Variants in DYNC1H1 observed in about 807,000 individuals in gnomAD.
DYNC1H1 encodes the protein dynein cytoplasmic 1 heavy chain 1.
Under a neutral mutation model 527.1 loss-of-function variants are expected in DYNC1H1, and 51 were observed. The observed-to-expected ratio is 0.10, with a 90% CI of 0.08 to 0.12. The LOEUF is 0.12. Among genes scored for constraint, DYNC1H1 ranks in the 10% least tolerant of loss-of-function variants. The pLI is 1.00. For synonymous variants in DYNC1H1, 2,189 were observed against 2,278.8 expected, an observed-to-expected ratio of 0.96 and a Z score of 1.12; for missense variants, 2,771 against 5,971.8, an observed-to-expected ratio of 0.46 and a Z score of 17.66.
At chr14:102,014,837 A>T (rs2152581292) in intron 34 of DYNC1H1, among the ~76,000 whole-genome samples, 1 of 152,092 alleles carries the variant, frequency 6.6e-6, no homozygotes, top group South Asian at 2.1e-4. Flanking sequence ...AATTTTTTTG[A>T]GACAGGTTTT....
intron 43 of DYNC1H1, among the ~76,000 whole-genome samples, 166 bp from the exon 44 acceptor site, chr14:102,026,408 T>C (rs969124636): frequency 2.0e-5 from 3 of 152,238 alleles, no homozygotes; most frequent in African/African-American, 7.2e-5. Flanking sequence ...TTTCATGTTT[T>C]TAGATCCATT....
At chr14:101,978,122 T>A (rs2047822765) in intron 2 of DYNC1H1, among the ~76,000 whole-genome samples, 1 of 152,242 alleles carries the variant, frequency 6.6e-6, no homozygotes, top group Non-Finnish European at 1.5e-5. Flanking sequence ...TGGTGCGATC[T>A]CGGCTCACTG....
rs1306609313 is a variant in DYNC1H1, at chr14:102,040,390, G to A, written c.11845G>A (p.Ala3949Thr). 3.1e-6 allele frequency: 5 copies of A among 1,614,100 alleles called. No homozygotes were observed. The highest frequency in any genetic ancestry group is 1.3e-5 in the African/African-American group (1 of 74,934). ...SCLPAFKDLI[A>T]KVQADEQFGI... is the part of the protein sequence containing the mutation. ...CCTTCCCGCGTTTAAGGACTTGATTGCAAAGGTTCAGGCAGACGAGGTGAT... is the reference window on the plus strand; with the variant it reads ...CCTTCCCGCGTTTAAGGACTTGATTACAAAGGTTCAGGCAGACGAGGTGAT... Residue 3949 changes from alanine (A) to threonine (T), a missense_variant, in exon 63 of 78, where the codon GCA becomes ACA. Physicochemically the swap from Ala to Thr is moderately conservative, Grantham distance 58. Coordinates refer to ENST00000360184, the MANE Select transcript of DYNC1H1 (RefSeq NM_001376.5).
chr14:101,977,747 A>C (rs1048814561), intron 2 of DYNC1H1, among the ~76,000 whole-genome samples: 1 of 152,198 alleles, frequency 6.6e-6, no homozygotes, highest in African/African-American at 2.4e-5. Context: ...GCACACCAAT[A>C]GCTTCATGGA....
chr14:102,043,098 A>G (rs2048672223), intron 69 of DYNC1H1: 1 of 355,084 alleles, frequency 2.8e-6, no homozygotes, highest in Non-Finnish European at 5.5e-6. Flanking sequence ...CATGGCCAAC[A>G]TGGTGAAACT....
chr14:102,032,675 C>A (rs1458312238), intron 52 of DYNC1H1: 12 of 654,118 alleles, frequency 1.8e-5, no homozygotes, highest in Non-Finnish European at 2.9e-5. Flanking sequence ...TACATGGCGA[C>A]ACCCTGTCTC....
chr14:102,049,389 T>G lies in DYNC1H1; in HGVS notation c.13373-51T>G. On this transcript the variant is annotated intron_variant, in intron 74 of 77. Transcript: ENST00000360184. This position sits in a 1 kb window ranked among gnomAD's most constrained non-coding sequence, Gnocchi z 5.5. ...ACTTGCACATTTGTTCCATCTGTGC[T>G]GGGGGAGTTGTGAGAGCTGACACCC... The G allele has an allele frequency of 6.2e-7, 1 of 1,612,084 alleles. No individual in the cohort carries two copies. The highest frequency in any genetic ancestry group is 8.5e-7 in the Non-Finnish European group (1 of 1,179,932).
chr14:102,005,869 A>G lies in DYNC1H1; in HGVS notation c.5434-19A>G. On this transcript the variant is annotated intron_variant, in intron 26 of 77. Coordinates refer to ENST00000360184, the MANE Select transcript of DYNC1H1 (RefSeq NM_001376.5). The surrounding 1 kb of genome is among the most constrained non-coding windows in gnomAD (Gnocchi z 4.0). Reference sequence around the variant, plus strand: ...TGCTTTAGTGTAGATGAACTTTTAAAGTGACTCTCTTTCTTCAGATTACAG... The same window carrying G: ...TGCTTTAGTGTAGATGAACTTTTAAGGTGACTCTCTTTCTTCAGATTACAG... The G allele has an allele frequency of 6.2e-7, 1 of 1,614,062 alleles. No homozygotes were observed. Among genetic ancestry groups the G allele is most frequent in the Non-Finnish European group, 8.5e-7 (1 of 1,180,014 alleles).
At position 101,991,842 on chromosome 14, in the gene DYNC1H1, A is replaced by C. The variant is rs552850666; in HGVS notation, c.3015+169A>C. 3.9e-5 allele frequency among the ~76,000 whole-genome samples: 6 copies of C among 152,186 alleles called. No individual in the cohort carries two copies. In the East Asian group the frequency reaches 1.2e-3, roughly 29 times the overall value. On this transcript the variant is annotated intron_variant, in intron 11 of 77. Coordinates refer to ENST00000360184, the MANE Select transcript of DYNC1H1 (RefSeq NM_001376.5). ...TTTTTGTGCCCTGACCTTTTTTTCC[A>C]ACTAGTTACTTGGCATTTGTAGCTT...
intron 34 of DYNC1H1, among the ~76,000 whole-genome samples, chr14:102,013,234 G>A (rs1188290751): frequency 8.5e-6 from 1 of 117,026 alleles, no homozygotes; most frequent in Non-Finnish European, 1.6e-5. Context: ...GGGCGACAGA[G>A]AGAGACTCCG....
At chr14:101,995,358 T>C in intron 15 of DYNC1H1, 58 bp downstream of exon 15, 1 of 1,607,786 alleles carries the variant, frequency 6.2e-7, no homozygotes, top group Non-Finnish European at 8.5e-7. Context: ...ACGCCTGTAA[T>C]CCCAGCACTT....
chr14:102,033,947 C>G lies in DYNC1H1; in HGVS notation c.10414-29C>G, dbSNP rs369229909. ...GTATAAATCCTGAAAGGCCTCATCC[C>G]TGAGCATCTTGTTCGGTTTTCCTTT... is the stretch of plus-strand genomic sequence containing the variant. On this transcript the variant is annotated intron_variant, in intron 54 of 77. Transcript: ENST00000360184. This position sits in a 1 kb window ranked among gnomAD's most constrained non-coding sequence, Gnocchi z 5.6. 1.2e-6 allele frequency: 2 copies of G among 1,611,868 alleles called. No individual in the cohort carries two copies. The highest frequency in any genetic ancestry group is 1.7e-6 in the Non-Finnish European group (2 of 1,178,914).
rs2048831690 is a variant in DYNC1H1 at position 102,053,026 on chromosome 14, C to A, written c.*2463C>A. 1 of 152,178 alleles carries A rather than the reference C, an allele frequency of 6.6e-6. No individual in the cohort carries two copies. The highest frequency in any genetic ancestry group is 1.5e-5 in the Non-Finnish European group (1 of 68,034). 9.4% of individuals were successfully genotyped at this position (152,178 alleles called of 1,614,324 possible). ...GCTGAGGACAAAAGTGTTTCTCAGTCCAAGAGCAGTTCTGCGAGGCGGAAT... is the reference window on the plus strand; with the variant it reads ...GCTGAGGACAAAAGTGTTTCTCAGTACAAGAGCAGTTCTGCGAGGCGGAAT... On this transcript the variant is annotated 3_prime_UTR_variant, in exon 78 of 78. Coordinates refer to ENST00000360184, the MANE Select transcript of DYNC1H1 (RefSeq NM_001376.5).
At position 102,029,345 on chromosome 14, in the gene DYNC1H1, T is replaced by C. The variant is rs1036815240; in HGVS notation, c.9469-194T>C. 4.6e-6 allele frequency: 3 copies of C among 648,110 alleles called. No homozygotes were observed. The highest frequency in any genetic ancestry group is 5.3e-6 in the Non-Finnish European group (2 of 376,130). The allele number at this position is 648,110 out of a possible 1,614,324, so 40.1% of individuals were successfully genotyped here. A position where few individuals can be genotyped will look rare whatever the true frequency, so the allele number is the denominator to read the frequency against. ...CTCAGTTTAGAGAAGTTAAAGGGCTTAGAGAGGTTTGGAAGTGTAAGGGGT... is the reference window on the plus strand; with the variant it reads ...CTCAGTTTAGAGAAGTTAAAGGGCTCAGAGAGGTTTGGAAGTGTAAGGGGT... On this transcript the variant is annotated intron_variant, in intron 48 of 77. Transcript: ENST00000360184. The surrounding 1 kb of genome is among the most constrained non-coding windows in gnomAD (Gnocchi z 5.3).
chr14:102,048,312 CG>C, intron 73 of DYNC1H1: 2 of 766,144 alleles, frequency 2.6e-6, no homozygotes, highest in South Asian at 3.6e-5. Context: ...AGCTGCGACT[CG>C]GGCAGGGGCC....
chr14:101,991,198 G>A (rs1022554080), intron 10 of DYNC1H1, among the ~76,000 whole-genome samples: 2 of 152,006 alleles, frequency 1.3e-5, no homozygotes, highest in African/African-American at 4.8e-5. Context: ...AAAGGACTTG[G>A]CATGGTGGCT....
At position 102,010,100 on chromosome 14, in the gene DYNC1H1, A is replaced by G; in HGVS notation, c.6221+14A>G. The G allele has an allele frequency of 2.5e-6, 4 of 1,613,318 alleles. No individual in the cohort carries two copies. The South Asian group carries it at 3.3e-5, about 13-fold the overall frequency. ...CCCGTTTTTTAAGTAAGTAGCCTAG[A>G]ATTCTTCATAATCATGTTTCTTGCA... On this transcript the variant is annotated intron_variant, in intron 30 of 77. Transcript: ENST00000360184. This position sits in a 1 kb window ranked among gnomAD's most constrained non-coding sequence, Gnocchi z 6.0.
Position 101,987,875 on chromosome 14 carries a change from T to C in DYNC1H1, c.2718+243T>C, listed in dbSNP as rs12893268. Among the ~76,000 whole-genome samples the C allele has an allele frequency of 0.35, 53,588 of 152,032 alleles. 13,255 individuals carry two copies. Among genetic ancestry groups the C allele is most frequent in the African/African-American group, 0.71 (29,476 of 41,464 alleles). ...GGCAGATCGCTTGAGCCCAGAAGTT[T>C]GAGACCAGCCTGGGCAACATGGCAA... On this transcript the variant is annotated intron_variant, in intron 9 of 77. Coordinates refer to ENST00000360184, the MANE Select transcript of DYNC1H1 (RefSeq NM_001376.5).
chr14:102,038,269 G>T lies in DYNC1H1; in HGVS notation c.10909-191G>T. 8 of 935,608 alleles carry T rather than the reference G, an allele frequency of 8.6e-6. No individual in the cohort carries two copies. In the South Asian group the frequency reaches 1.2e-4, roughly 14 times the overall value. The allele number at this position is 935,608 out of a possible 1,614,324, so 58.0% of individuals were successfully genotyped here. On this transcript the variant is annotated intron_variant, in intron 57 of 77. Coordinates refer to ENST00000360184, the MANE Select transcript of DYNC1H1 (RefSeq NM_001376.5). The surrounding 1 kb of genome is among the most constrained non-coding windows in gnomAD (Gnocchi z 7.2). ...GCTGGAATTACAGGCGTGAGCCACC[G>T]CATCTGGCTGAGTTTTTAATTTTAG...
Sources: gnomAD v4.1 joint callset for allele counts (sites outside exome capture counted in the v4.1 genomes callset) on GRCh38, gnomAD v4.1.1 for gene constraint, Gnocchi (gnomAD v3.1) non-coding constraint, MANE v1.5 for transcripts, NCBI Gene and HGNC (gene_info 2026-07-23, HGNC 2026-07-21) for gene names.